ARHGAP28: variants seen among roughly 807,000 people sequenced by gnomAD.
ARHGAP28 encodes rho GTPase-activating protein 28.
A neutral mutation model predicts 90.7 loss-of-function variants in ARHGAP28; 56 were observed. That is an observed-to-expected ratio of 0.62 (90% confidence interval 0.50 to 0.77). The LOEUF (loss-of-function observed/expected upper bound fraction) is 0.77, where lower values mean the gene tolerates loss of function less well. Among genes scored for constraint, ARHGAP28 ranks in the 30% least tolerant of loss-of-function variants. The pLI is 0.00. For synonymous variants in ARHGAP28, 308 were observed against 323.3 expected, an observed-to-expected ratio of 0.95 and a Z score of 0.51; for missense variants, 869 against 900.9, an observed-to-expected ratio of 0.96 and a Z score of 0.45.
chr18:6,751,143 A>AT (rs924400849), intron 1 of ARHGAP28, among the ~76,000 whole-genome samples: 11 of 152,108 alleles, frequency 7.2e-5, no homozygotes, highest in South Asian at 2.1e-4. Flanking sequence ...GCAATGTATG[A>AT]TTTTTTTTAA....
At chr18:6,746,469 A>G (rs2056024367) in intron 1 of ARHGAP28, among the ~76,000 whole-genome samples, 1 of 152,234 alleles carries the variant, frequency 6.6e-6, no homozygotes, top group African/African-American at 2.4e-5. Context: ...GTGGGCCATA[A>G]TAGTATCTGA....
At chr18:6,887,032 A>G (rs2057227218) in intron 11 of ARHGAP28, 125 bp from the exon 12 acceptor site, 11 of 793,246 alleles carry the variant, frequency 1.4e-5, no homozygotes, top group African/African-American at 1.0e-4. Flanking sequence ...GCTGGGCACA[A>G]AACCTGAGTC....
At chr18:6,863,674 T>A in intron 5 of ARHGAP28, among the ~76,000 whole-genome samples, 1 of 151,822 alleles carries the variant, frequency 6.6e-6, no homozygotes, top group African/African-American at 2.4e-5. Flanking sequence ...TATAAACATA[T>A]AATATATAAA....
intron 1 of ARHGAP28, among the ~76,000 whole-genome samples, chr18:6,787,219 TAAAAAAAAAAA>T (rs11350947): frequency 7.4e-5 from 7 of 94,640 alleles, no homozygotes; most frequent in Admixed American, 2.5e-4. Flanking sequence ...AAACTCCATT[TAAAAAAAAAAA>T]AAAAAAAAAA....
chr18:6,847,512 C>G (rs2056874981), intron 3 of ARHGAP28, among the ~76,000 whole-genome samples: 1 of 151,850 alleles, frequency 6.6e-6, no homozygotes, highest in Admixed American at 6.6e-5. Flanking sequence ...TTGCATCAGG[C>G]AAGCAGAGGC....
chr18:6,847,906 G>T (rs1028889727), intron 3 of ARHGAP28, among the ~76,000 whole-genome samples: 4 of 152,118 alleles, frequency 2.6e-5, no homozygotes, highest in African/African-American at 7.2e-5. Context: ...GGGAATCTAC[G>T]CAAGCTTCCG....
chr18:6,889,771 A>G (rs865841923), intron 12 of ARHGAP28, 117 bp from the exon 13 acceptor site: 1 of 945,890 alleles, frequency 1.1e-6, no homozygotes, highest in East Asian at 2.5e-5. Context: ...ACGTTTAACC[A>G]TTCTATACTT....
In ARHGAP28 at chr18:6,876,132, T is replaced by A; in HGVS notation, c.1214T>A (p.Phe405Tyr). The stretch of plus-strand genomic sequence containing the variant: ...TGGTAATATATCATTGCTTTCTAGT[T>A]TTTTGAGAAAGTTGAGGAATCAGGT... ...GVKVPLVLQKFFEKVEESGLE... is the reference protein window; with the variant it reads ...GVKVPLVLQKYFEKVEESGLE... The change falls in exon 10 of 18, where the codon TTT (phenylalanine) becomes TAT (tyrosine). Residue 405 changes from phenylalanine to tyrosine, a missense_variant and splice_region_variant. Physicochemically the swap from Phe to Tyr is conservative, Grantham distance 22 (BLOSUM62 3). Transcript: ENST00000383472. 1 of 1,613,302 alleles carries A rather than the reference T, an allele frequency of 6.2e-7. No homozygotes were observed. Among genetic ancestry groups the A allele is most frequent in the South Asian group, 1.1e-5 (1 of 91,050 alleles).
At chr18:6,893,443 G>C (rs1600295725) in intron 14 of ARHGAP28, among the ~76,000 whole-genome samples, 1 of 152,214 alleles carries the variant, frequency 6.6e-6, no homozygotes, top group Non-Finnish European at 1.5e-5. Flanking sequence ...AGAATTCTAA[G>C]AGTCAATACT....
At chr18:6,733,185 G>A (rs1189945708) in intron 1 of ARHGAP28, among the ~76,000 whole-genome samples, 2 of 152,062 alleles carry the variant, frequency 1.3e-5, no homozygotes, top group African/African-American at 2.4e-5. Context: ...AAGATTCTAG[G>A]TTGCGATATA....
rs927068292 is a variant in ARHGAP28, at chr18:6,867,958, CAT to C, written c.727-191_727-190del. 1.3e-4 allele frequency among the ~76,000 whole-genome samples: 20 copies of C among 152,304 alleles called. 2 individuals carry two copies. The highest frequency in any genetic ancestry group is 2.1e-4 in the South Asian group (1 of 4,826). On this transcript the variant is annotated intron_variant, in intron 5 of 17. Coordinates refer to ENST00000383472, the MANE Select transcript of ARHGAP28 (RefSeq NM_001366230.1). ...CCTTACATTGTTCCCTTTTGTGAAA[CAT>C]GTGTAAGCTGCACACATCCAAACTG...
chr18:6,898,853 G>A, intron 16 of ARHGAP28: 1 of 746,758 alleles, frequency 1.3e-6, no homozygotes, highest in Non-Finnish European at 1.7e-6. Flanking sequence ...AAAGGCCTAA[G>A]AATGACACCA....
chr18:6,751,964 TA>T (rs199775924), intron 1 of ARHGAP28, among the ~76,000 whole-genome samples: 65 of 148,542 alleles, frequency 4.4e-4, no homozygotes, highest in East Asian at 2.2e-3. Flanking sequence ...TTACAAAACT[TA>T]AAAAAAAAAA....
chr18:6,875,368 C>T (rs183484114), intron 9 of ARHGAP28, among the ~76,000 whole-genome samples: 6 of 152,264 alleles, frequency 3.9e-5, no homozygotes, highest in Non-Finnish European at 7.4e-5. Context: ...GAAGAATTAC[C>T]TTAGTTCCAG....
chr18:6,840,833 G>C (rs1440261886), intron 3 of ARHGAP28, among the ~76,000 whole-genome samples: 1 of 152,164 alleles, frequency 6.6e-6, no homozygotes, highest in African/African-American at 2.4e-5. Flanking sequence ...TGAAATCAGT[G>C]TAAGTTTGGC....
rs920178574 is a variant in ARHGAP28, at chr18:6,914,715, C to T, written c.*2561C>T. ...AAGAGCTTCTCCCCCTCACCCATTC[C>T]TAGTGCTCTTGGTATACACTTGGGA... On this transcript the variant is annotated 3_prime_UTR_variant, in exon 18 of 18. Coordinates refer to ENST00000383472, the MANE Select transcript of ARHGAP28 (RefSeq NM_001366230.1). 5 of 152,162 alleles carry T rather than the reference C, an allele frequency of 3.3e-5. No homozygotes were observed. The highest frequency in any genetic ancestry group is 7.4e-5 in the Non-Finnish European group (5 of 68,024). 9.4% of individuals were successfully genotyped at this position (152,162 alleles called of 1,614,324 possible). A position where few individuals can be genotyped will look rare whatever the true frequency, so the allele number is the denominator to read the frequency against.
chr18:6,755,891 A>G (rs2056105250), intron 1 of ARHGAP28, among the ~76,000 whole-genome samples: 1 of 152,264 alleles, frequency 6.6e-6, no homozygotes, highest in South Asian at 2.1e-4. Flanking sequence ...GTTCATATAT[A>G]GAATCACAAA....
chr18:6,824,836 G>A lies in ARHGAP28; in HGVS notation c.197G>A (p.Arg66His), dbSNP rs188975691. 169 of 1,536,434 alleles carry A rather than the reference G, an allele frequency of 1.1e-4. No homozygotes were observed. The East Asian group carries it at 2.1e-3, about 19-fold the overall frequency. ...TCCCTCCATCCTCCTGCCTTCAGCC[G>A]TTCCAACTCAGAAGCCTCCGTAGAC... ...NESLHPPAFS[R>H]SNSEASVDSA... Residue 66 changes from arginine to histidine, a missense_variant, in exon 2 of 18, where the codon CGT becomes CAT. Transcript: ENST00000383472.
At position 6,841,196 on chromosome 18, in the gene ARHGAP28, T is replaced by TC. The variant is rs1463897952; in HGVS notation, c.543+3783dup. On this transcript the variant is annotated intron_variant, in intron 3 of 17. Coordinates refer to ENST00000383472, the MANE Select transcript of ARHGAP28 (RefSeq NM_001366230.1). ...TCTCTCTCTCCTCTCTCTCTCTCTC[T>TC]CTCTCTCCTCTCCTCTCTCTCTCTC... Among the ~76,000 whole-genome samples, 411 of 63,850 alleles carry TC rather than the reference T, an allele frequency of 6.4e-3. 12 individuals are homozygous for TC. Among genetic ancestry groups the TC allele is most frequent in the African/African-American group, 0.029 (330 of 11,440 alleles). 41.9% of individuals were successfully genotyped at this position (63,850 alleles called of 152,430 possible). A position where few individuals can be genotyped will look rare whatever the true frequency, so the allele number is the denominator to read the frequency against.
Sources: allele counts gnomAD v4.1 joint callset (sites outside exome capture counted in the v4.1 genomes callset), GRCh38; gene constraint gnomAD v4.1.1; transcripts MANE v1.5; gene names NCBI Gene and HGNC (gene_info 2026-07-23, HGNC 2026-07-21).